TBXAS1: variants seen among roughly 807,000 people sequenced by gnomAD.
TBXAS1 encodes thromboxane A synthase 1, also known as thromboxane-A synthase.
A neutral mutation model predicts 60.7 loss-of-function variants in TBXAS1; 48 were observed. The observed-to-expected ratio is 0.79, with a 90% CI of 0.63 to 1.01. The LOEUF is 1.01. Ranked by LOEUF, TBXAS1 falls within the 50% of genes least tolerant of loss-of-function variation. The pLI is 0.00. For synonymous variants in TBXAS1, 287 were observed against 269.7 expected (o/e 1.06, Z -0.63); for missense variants, 685 against 686.3 (o/e 1.00, Z 0.02).
chr7:139,939,844 A>G (rs1263906347), intron 5 of TBXAS1, among the ~76,000 whole-genome samples: 1 of 152,244 alleles, frequency 6.6e-6, no homozygotes, highest in African/African-American at 2.4e-5. Flanking sequence ...TTCAAAGAGG[A>G]AGGAGCAGCC....
rs149450385 is a variant in TBXAS1, at chr7:139,792,250, G to A, written c.-80+4824G>A. Among the ~76,000 whole-genome samples the A allele has an allele frequency of 5.2e-3, 790 of 152,274 alleles. 5 individuals carry two copies. Among genetic ancestry groups the A allele is most frequent in the Non-Finnish European group, 8.2e-3 (555 of 68,010 alleles). ...TCTGGGGTTTTATAGGAATAGATCAGCTCATCAGATCCTGATAACTCTTGA... is the reference window on the plus strand; with the variant it reads ...TCTGGGGTTTTATAGGAATAGATCAACTCATCAGATCCTGATAACTCTTGA... On this transcript the variant is annotated intron_variant, in intron 4 of 16. Coordinates refer to the TBXAS1 transcript ENST00000336425.
At chr7:139,974,582 G>C (rs1811436831) in intron 9 of TBXAS1, among the ~76,000 whole-genome samples, 1 of 152,102 alleles carries the variant, frequency 6.6e-6, no homozygotes, top group Admixed American at 6.6e-5. Flanking sequence ...CCCTTCCTTA[G>C]TTTTTCTGTC....
chr7:139,919,894 G>A (rs1806316160), intron 4 of TBXAS1, among the ~76,000 whole-genome samples: 1 of 152,348 alleles, frequency 6.6e-6, no homozygotes, highest in Non-Finnish European at 1.5e-5. Context: ...AGATGGACAA[G>A]TATTGGTGAT....
At chr7:139,813,673 C>G (rs1011512487) in intron 4 of TBXAS1, among the ~76,000 whole-genome samples, 1 of 152,186 alleles carries the variant, frequency 6.6e-6, no homozygotes, top group African/African-American at 2.4e-5. Context: ...ACCTGTGGCT[C>G]TAGAACTCAG....
intron 4 of TBXAS1, among the ~76,000 whole-genome samples, chr7:139,798,351 A>G (rs557781849): frequency 1.3e-5 from 2 of 152,350 alleles, no homozygotes; most frequent in Admixed American, 1.3e-4. Context: ...AGGAGAAAAC[A>G]GGGAGATTCC....
chr7:139,785,953 A>C (rs1210309260), intron 3 of TBXAS1, among the ~76,000 whole-genome samples: 1 of 150,506 alleles, frequency 6.6e-6, no homozygotes, highest in African/African-American at 2.5e-5. Flanking sequence ...CCTATTCCCC[A>C]GCCCACATCC....
chr7:139,922,834 G>C (rs1437536690), intron 4 of TBXAS1, among the ~76,000 whole-genome samples: 1 of 151,962 alleles, frequency 6.6e-6, no homozygotes, highest in East Asian at 1.9e-4. Flanking sequence ...TTTTTTCTCT[G>C]TATTAATATC....
intron 1 of TBXAS1, 58 bp from the exon 2 acceptor site, chr7:139,872,177 G>T: frequency 6.7e-7 from 1 of 1,495,650 alleles, no homozygotes; most frequent in Non-Finnish European, 9.3e-7. Flanking sequence ...TCCTAATAGA[G>T]CCTAAAGCAT....
intron 4 of TBXAS1, among the ~76,000 whole-genome samples, chr7:139,922,875 C>T (rs2117113175): frequency 6.6e-6 from 1 of 152,202 alleles, no homozygotes; most frequent in East Asian, 1.9e-4. Context: ...TTGAAAAGAC[C>T]ACCCATTCCC....
At chr7:139,811,103 G>A (rs1313893045) in intron 4 of TBXAS1, among the ~76,000 whole-genome samples, 1 of 152,252 alleles carries the variant, frequency 6.6e-6, no homozygotes, top group African/African-American at 2.4e-5. Flanking sequence ...ATTCGAGGAA[G>A]TAGCATTTGA....
At chr7:140,015,515 C>T (rs1295122454) in intron 10 of TBXAS1, among the ~76,000 whole-genome samples, 1 of 152,172 alleles carries the variant, frequency 6.6e-6, no homozygotes, top group Non-Finnish European at 1.5e-5. Context: ...GGGCTGCAGG[C>T]TCCTGGGCAG....
intron 10 of TBXAS1, among the ~76,000 whole-genome samples, chr7:140,015,251 C>T (rs1468178333): frequency 4.6e-5 from 7 of 151,956 alleles, no homozygotes; most frequent in African/African-American, 1.7e-4. Context: ...GGCAGCAGGG[C>T]TAGTCAGTGA....
In TBXAS1 at chr7:139,808,196, G is replaced by T. The variant is rs190790469; in HGVS notation, c.-80+20770G>T. Among the ~76,000 whole-genome samples, 236 of 152,010 alleles carry T rather than the reference G, an allele frequency of 1.6e-3. 5 individuals are homozygous for T. The highest frequency in any genetic ancestry group is 5.5e-3 in the African/African-American group (227 of 41,474). On this transcript the variant is annotated intron_variant, in intron 4 of 16. Coordinates refer to the TBXAS1 transcript ENST00000336425. ...AAAAAAAAAATGCAAAAATTAGCCAGATGTGGTGGTGCATGCCTGTAGTCC... is the reference window on the plus strand; with the variant it reads ...AAAAAAAAAATGCAAAAATTAGCCATATGTGGTGGTGCATGCCTGTAGTCC...
At chr7:139,803,040 G>T (rs1034750049) in intron 4 of TBXAS1, among the ~76,000 whole-genome samples, 1 of 152,204 alleles carries the variant, frequency 6.6e-6, no homozygotes, top group Admixed American at 6.5e-5. Flanking sequence ...ATTGGTACTG[G>T]TAAAGTGGGG....
intron 1 of TBXAS1, among the ~76,000 whole-genome samples, chr7:139,835,354 C>T (rs552867370): frequency 1.1e-4 from 16 of 152,260 alleles, no homozygotes; most frequent in African/African-American, 2.9e-4. Flanking sequence ...AGGCGTGAGC[C>T]AACACGCCTG....
At chr7:139,800,525 C>T (rs1317874875) in intron 4 of TBXAS1, among the ~76,000 whole-genome samples, 1 of 152,140 alleles carries the variant, frequency 6.6e-6, no homozygotes, top group African/African-American at 2.4e-5. Context: ...ATTCTTATTA[C>T]CTGTTTATTT....
chr7:139,970,517 C>T (rs1268443083), intron 9 of TBXAS1, among the ~76,000 whole-genome samples: 5 of 152,344 alleles, frequency 3.3e-5, no homozygotes, highest in South Asian at 2.1e-4. Context: ...GTCTCTCTCA[C>T]GTGTGCTGGA....
intron 4 of TBXAS1, among the ~76,000 whole-genome samples, chr7:139,817,418 C>T (rs959112752): frequency 1.3e-5 from 2 of 152,170 alleles, no homozygotes; most frequent in Non-Finnish European, 2.9e-5. Context: ...TCCAGAGACC[C>T]CCCTGCCGGC....
At chr7:139,842,079 T>C (rs1411455784) in intron 1 of TBXAS1, among the ~76,000 whole-genome samples, 1 of 152,204 alleles carries the variant, frequency 6.6e-6, no homozygotes, top group African/African-American at 2.4e-5. Context: ...GAACCAGTTC[T>C]GGAAGCCTGG....
Sources: gnomAD v4.1 joint callset for allele counts (sites outside exome capture counted in the v4.1 genomes callset) on GRCh38, gnomAD v4.1.1 for gene constraint, MANE v1.5 for transcripts, NCBI Gene and HGNC (gene_info 2026-07-23, HGNC 2026-07-21) for gene names.